Variants in SEMA6A observed in about 807,000 individuals in gnomAD.
The protein encoded by SEMA6A is semaphorin-6A.
Under a neutral mutation model 96.8 loss-of-function variants are expected in SEMA6A, and 25 were observed. The ratio of observed to expected loss-of-function variants is 0.26; its 90% CI spans 0.19 to 0.36. The LOEUF (loss-of-function observed/expected upper bound fraction) is 0.36, where lower values mean the gene tolerates loss of function less well. Ranked by LOEUF, SEMA6A falls within the 10% of genes least tolerant of loss-of-function variation. The pLI is 1.00. For missense variants in SEMA6A, 1,363 were observed against 1,323.1 expected, an observed-to-expected ratio of 1.03 and a Z score of -0.47; for synonymous variants, 612 against 518.0, an observed-to-expected ratio of 1.18 and a Z score of -2.46.
intron 16 of SEMA6A, among the ~76,000 whole-genome samples, chr5:116,473,971 C>G (rs573465431): frequency 6.6e-6 from 1 of 152,128 alleles, no homozygotes; most frequent in African/African-American, 2.4e-5. Context: ...TGCTTGACCA[C>G]TAAGATTACT....
chr5:116,460,863 G>A (rs188628494), intron 18 of SEMA6A, among the ~76,000 whole-genome samples: 2 of 148,452 alleles, frequency 1.3e-5, no homozygotes, highest in Admixed American at 1.4e-4. Flanking sequence ...TCGGCTGACT[G>A]CAACCTCCAC....
chr5:116,515,572 T>G (rs1176678158), intron 1 of SEMA6A, among the ~76,000 whole-genome samples: 1 of 152,220 alleles, frequency 6.6e-6, no homozygotes, highest in African/African-American at 2.4e-5. Context: ...CCAGAGATAT[T>G]TTAGCACCTA....
At chr5:116,495,658 T>G (rs529697346) in intron 5 of SEMA6A, 144 bp from the exon 6 acceptor site, 19 of 598,374 alleles carry the variant, frequency 3.2e-5, no homozygotes, top group Middle Eastern at 9.0e-4. Flanking sequence ...TTCTTCCTGA[T>G]GTTAACCACA....
Position 116,446,266 on chromosome 5 carries a change from GT to G in SEMA6A, c.*346del. On this transcript the variant is annotated 3_prime_UTR_variant, in exon 19 of 19. Coordinates refer to ENST00000343348, the MANE Select transcript of SEMA6A (RefSeq NM_020796.5). ...GTGTGTGTGTATGTGTTGTGTGCATGTGTGTGTGTGTGTGTGTGTGGGGGTG... is the reference window on the plus strand; with the variant it reads ...GTGTGTGTGTATGTGTTGTGTGCATGGTGTGTGTGTGTGTGTGTGGGGGTG... 1 of 1,516 alleles carries G rather than the reference GT, an allele frequency of 6.6e-4. No individual in the cohort carries two copies. Among genetic ancestry groups the G allele is most frequent in the Non-Finnish European group, 1.8e-3 (1 of 546 alleles). 0.1% of individuals were successfully genotyped at this position (1,516 alleles called of 1,614,324 possible).
intron 1 of SEMA6A, among the ~76,000 whole-genome samples, chr5:116,535,482 T>C (rs1448830564): frequency 7.9e-5 from 12 of 152,198 alleles, no homozygotes; most frequent in African/African-American, 4.8e-5. Context: ...CTAATAAGTA[T>C]GTGATCTTTG....
intron 6 of SEMA6A, chr5:116,492,615 A>G (rs1333455414): frequency 1.3e-5 from 2 of 152,244 alleles, no homozygotes; most frequent in African/African-American, 2.4e-5. Context: ...TATAGTGGGT[A>G]GCCTTCAAAG....
intron 1 of SEMA6A, chr5:116,508,054 C>T (rs1485146072): frequency 6.6e-6 from 1 of 151,968 alleles, no homozygotes; most frequent in South Asian, 2.1e-4. Flanking sequence ...GTTTTTAAGC[C>T]CAAATTGGAT....
intron 1 of SEMA6A, among the ~76,000 whole-genome samples, chr5:116,516,640 G>A (rs1198432402): frequency 6.6e-6 from 1 of 152,168 alleles, no homozygotes; most frequent in African/African-American, 2.4e-5. Flanking sequence ...GTGGTGGAGA[G>A]AAGACGATTC....
At chr5:116,476,041 C>T (rs1447706188) in intron 15 of SEMA6A, among the ~76,000 whole-genome samples, 5 of 152,134 alleles carry the variant, frequency 3.3e-5, no homozygotes, top group Non-Finnish European at 7.4e-5. Flanking sequence ...TTTGCCTAGA[C>T]ATTTATCTAG....
At chr5:116,492,722 A>G (rs1757387518) in intron 6 of SEMA6A, among the ~76,000 whole-genome samples, 2 of 152,214 alleles carry the variant, frequency 1.3e-5, no homozygotes, top group South Asian at 4.1e-4. Flanking sequence ...AGATCAGGGC[A>G]TGGTAGAGAG....
At chr5:116,530,542 A>G (rs964027747) in intron 1 of SEMA6A, among the ~76,000 whole-genome samples, 11 of 152,210 alleles carry the variant, frequency 7.2e-5, no homozygotes, top group African/African-American at 2.7e-4. Context: ...ATTTGTTTCC[A>G]AAATGAAACA....
At chr5:116,457,982 G>A (rs1755123496) in intron 18 of SEMA6A, among the ~76,000 whole-genome samples, 1 of 152,096 alleles carries the variant, frequency 6.6e-6, no homozygotes, top group South Asian at 2.1e-4. Context: ...CAGGTATAAT[G>A]TCAAGAAAAG....
Position 116,477,884 on chromosome 5 carries a change from C to T in SEMA6A, c.1611G>A (p.Lys537=). The T allele has an allele frequency of 6.2e-7, 1 of 1,613,978 alleles. No individual in the cohort carries two copies. The highest frequency in any genetic ancestry group is 8.5e-7 in the Non-Finnish European group (1 of 1,179,868). The part of the protein sequence containing the change: ...ASRDPYCGWI[K]EGGACSHLSP... ...ATAAATGGCTGCAGGCACCACCTTC[C>T]TTTATCCATCCACAATATGGGTCTC... The change falls in exon 15 of 19, where the codon AAG becomes AAA. Residue 537 remains lysine, a synonymous_variant. Coordinates refer to ENST00000343348, the MANE Select transcript of SEMA6A (RefSeq NM_020796.5).
intron 1 of SEMA6A, among the ~76,000 whole-genome samples, chr5:116,525,563 CCT>C (rs201190716): frequency 0.015 from 2,356 of 152,280 alleles, 26 homozygotes; most frequent in Admixed American, 0.027. Flanking sequence ...CCAATTTCCC[CCT>C]GTCCTCAAAA....
intron 1 of SEMA6A, among the ~76,000 whole-genome samples, chr5:116,529,326 T>C (rs192676821): frequency 1.3e-5 from 2 of 152,282 alleles, no homozygotes; most frequent in African/African-American, 4.8e-5. Context: ...TAGTGTTCTA[T>C]AGCACTGTAG....
At chr5:116,512,025 G>T (rs915802651) in intron 1 of SEMA6A, among the ~76,000 whole-genome samples, 1 of 152,200 alleles carries the variant, frequency 6.6e-6, no homozygotes, top group African/African-American at 2.4e-5. Flanking sequence ...CTTCACAGAG[G>T]CTGGAACTGC....
chr5:116,449,508 G>A (rs1433500955), intron 18 of SEMA6A: 6 of 576,030 alleles, frequency 1.0e-5, no homozygotes, highest in Non-Finnish European at 1.8e-5. Flanking sequence ...TCACAGCCGA[G>A]ACCTTGAAGC....
At chr5:116,551,885 T>C (rs1265021666) in intron 1 of SEMA6A, among the ~76,000 whole-genome samples, 1 of 152,248 alleles carries the variant, frequency 6.6e-6, no homozygotes, top group East Asian at 1.9e-4. Context: ...CAATGTAACG[T>C]ATCAGGAGCC....
chr5:116,502,242 C>G lies in SEMA6A; in HGVS notation c.186G>C (p.Met62Ile), dbSNP rs757885432. The stretch of plus-strand genomic sequence containing the variant: ...CAATGTAGAGGGTTCCGTTCATGAT[C>G]ATAATCATCTGGATGTCCAGCCTGT... ...QRHRLDIQMIMIMNGTLYIAA... is the reference protein window; with the variant it reads ...QRHRLDIQMIIIMNGTLYIAA... Residue 62 changes from methionine to isoleucine, a missense_variant, in exon 3 of 19, where the codon ATG becomes ATC. This residue lies in a region of SEMA6A where 480 missense variants were observed against 559.5 expected (regional missense o/e 0.86). Coordinates refer to ENST00000343348, the MANE Select transcript of SEMA6A (RefSeq NM_020796.5). 2.5e-6 allele frequency: 4 copies of G among 1,613,934 alleles called. No individual in the cohort carries two copies. Among genetic ancestry groups the G allele is most frequent in the Non-Finnish European group, 2.5e-6 (3 of 1,179,844 alleles).
Sources: allele counts gnomAD v4.1 joint callset (sites outside exome capture counted in the v4.1 genomes callset), GRCh38; gene constraint gnomAD v4.1.1; regional missense constraint gnomAD v4.1.1; transcripts MANE v1.5; gene names NCBI Gene and HGNC (gene_info 2026-07-23, HGNC 2026-07-21).